Variants in NTM observed in about 807,000 individuals in gnomAD.
NTM encodes the protein neurotrimin.
Under a neutral mutation model 42.1 loss-of-function variants are expected in NTM, and 13 were observed. The ratio of observed to expected loss-of-function variants is 0.31; its 90% CI spans 0.20 to 0.49. The LOEUF (loss-of-function observed/expected upper bound fraction) is 0.49, where lower values mean the gene tolerates loss of function less well. Ranked by LOEUF, NTM falls within the 20% of genes least tolerant of loss-of-function variation. The pLI, the probability that NTM is intolerant of heterozygous loss-of-function variation, is 0.99. For missense variants in NTM, 373 were observed against 452.8 expected, an observed-to-expected ratio of 0.82 and a Z score of 1.60; for synonymous variants, 187 against 179.2, an observed-to-expected ratio of 1.04 and a Z score of -0.35.
intron 1 of NTM, among the ~76,000 whole-genome samples, chr11:131,583,588 A>G (rs758229313): frequency 1.6e-4 from 24 of 152,162 alleles, no homozygotes; most frequent in Non-Finnish European, 3.5e-4. Context: ...GTGTTCAAAG[A>G]GCATTCTTTA....
intron 2 of NTM, among the ~76,000 whole-genome samples, chr11:131,988,209 T>G (rs2066406459): frequency 6.6e-6 from 1 of 152,232 alleles, no homozygotes; most frequent in Non-Finnish European, 1.5e-5. Context: ...TACTTAATAA[T>G]TCCCCAAAAG....
At chr11:132,189,360 A>T (rs1415697811) in intron 3 of NTM, among the ~76,000 whole-genome samples, 2 of 152,120 alleles carry the variant, frequency 1.3e-5, no homozygotes, top group Non-Finnish European at 2.9e-5. Flanking sequence ...TCAGGGGAGG[A>T]GTATTAAAGT....
At chr11:131,689,470 G>A (rs1389287722) in intron 1 of NTM, among the ~76,000 whole-genome samples, 3 of 152,222 alleles carry the variant, frequency 2.0e-5, no homozygotes, top group Non-Finnish European at 2.9e-5. Context: ...ACTTTCAGGG[G>A]TTTAATTCAA....
At chr11:131,965,703 A>T (rs979583372) in intron 2 of NTM, among the ~76,000 whole-genome samples, 2 of 152,106 alleles carry the variant, frequency 1.3e-5, no homozygotes, top group African/African-American at 4.8e-5. Flanking sequence ...AACTCTTGTC[A>T]CTGTCTCAGG....
At chr11:132,261,935 G>A (rs2139552059) in intron 4 of NTM, among the ~76,000 whole-genome samples, 1 of 152,286 alleles carries the variant, frequency 6.6e-6, no homozygotes, top group African/African-American at 2.4e-5. Flanking sequence ...GCAGATCCAG[G>A]GCTTGCCCCA....
At chr11:132,004,261 A>G (rs868444126) in intron 2 of NTM, among the ~76,000 whole-genome samples, 4 of 152,300 alleles carry the variant, frequency 2.6e-5, no homozygotes, top group Non-Finnish European at 4.4e-5. Context: ...TGAATTATAT[A>G]TATTCAAAAT....
chr11:132,239,870 C>T (rs1042820599), intron 4 of NTM, among the ~76,000 whole-genome samples: 47 of 152,284 alleles, frequency 3.1e-4, no homozygotes, highest in African/African-American at 9.9e-4. Context: ...ATATTGTCTA[C>T]CAAACTGTTC....
intron 1 of NTM, among the ~76,000 whole-genome samples, chr11:131,676,073 C>T (rs561956519): frequency 6.6e-6 from 1 of 152,254 alleles, no homozygotes; most frequent in East Asian, 1.9e-4. Context: ...TGACATTTAG[C>T]CAGATTTTGA....
intron 1 of NTM, among the ~76,000 whole-genome samples, chr11:131,409,769 G>C (rs1448449232): frequency 6.6e-6 from 1 of 152,202 alleles, no homozygotes; most frequent in Non-Finnish European, 1.5e-5. Flanking sequence ...GCGCCTTTAA[G>C]AACTGCTGCA....
chr11:131,851,656 T>C (rs558158263), intron 1 of NTM, among the ~76,000 whole-genome samples: 94 of 152,142 alleles, frequency 6.2e-4, no homozygotes, highest in African/African-American at 1.7e-3. Flanking sequence ...ATCTTTCTTC[T>C]GTGCCACTGA....
intron 7 of NTM, chr11:132,314,921 TTTACATGTATACAAAGTAGTATATGTATA>T (rs1264344952): frequency 5.3e-6 from 7 of 1,324,758 alleles, no homozygotes; most frequent in Non-Finnish European, 3.9e-6. Context: ...AGAGATACAG[TTTACATGTATACAAAGTAGTATATGTATA>T]GTACATGTAT....
At chr11:131,965,974 G>A (rs1157160887) in intron 2 of NTM, among the ~76,000 whole-genome samples, 1 of 147,046 alleles carries the variant, frequency 6.8e-6, no homozygotes, top group Non-Finnish European at 1.5e-5. Context: ...AGGGAAGGGG[G>A]AAGGAAAGGA....
intron 1 of NTM, among the ~76,000 whole-genome samples, chr11:131,400,982 CACA>C (rs1945071971): frequency 2.7e-4 from 1 of 3,680 alleles, no homozygotes. Context: ...CCACCTGCCA[CACA>C]CACACACACA....
intron 1 of NTM, among the ~76,000 whole-genome samples, chr11:131,642,285 AT>A (rs1165993997): frequency 6.6e-6 from 1 of 152,174 alleles, no homozygotes; most frequent in Admixed American, 6.5e-5. Flanking sequence ...TCCTCCACAC[AT>A]TAGAGAGCCA....
At chr11:131,499,412 C>T (rs552205816) in intron 1 of NTM, among the ~76,000 whole-genome samples, 7 of 152,150 alleles carry the variant, frequency 4.6e-5, no homozygotes, top group South Asian at 4.1e-4. Context: ...CCCCACTCCC[C>T]GTCATCTCCG....
intron 1 of NTM, among the ~76,000 whole-genome samples, chr11:131,447,910 G>T (rs1374857004): frequency 3.9e-5 from 6 of 152,198 alleles, no homozygotes; most frequent in Non-Finnish European, 7.3e-5. Context: ...CTGCATCTCT[G>T]CTCCACTTCC....
chr11:131,877,642 C>A (rs747242820), intron 1 of NTM: 2 of 152,146 alleles, frequency 1.3e-5, no homozygotes, highest in East Asian at 3.9e-4. Context: ...TCTTTAAACA[C>A]TTATGGAATA....
chr11:132,156,309 A>G (rs2073182792), intron 3 of NTM, among the ~76,000 whole-genome samples: 1 of 152,210 alleles, frequency 6.6e-6, no homozygotes, highest in Non-Finnish European at 1.5e-5. Flanking sequence ...ATTTCTGGTC[A>G]TAGGCCCTTT....
At chr11:131,554,125 A>G (rs1236531056) in intron 1 of NTM, among the ~76,000 whole-genome samples, 1 of 152,118 alleles carries the variant, frequency 6.6e-6, no homozygotes, top group Non-Finnish European at 1.5e-5. Context: ...TTTAGTTCTT[A>G]TGTACTAACA....
Sources: allele counts gnomAD v4.1 joint callset (sites outside exome capture counted in the v4.1 genomes callset), GRCh38; gene constraint gnomAD v4.1.1; transcripts MANE v1.5; gene names NCBI Gene and HGNC (gene_info 2026-07-23, HGNC 2026-07-21).